Variants in PDE1C observed in about 807,000 individuals in gnomAD.
The protein encoded by PDE1C is phosphodiesterase 1C.
PDE1C carries 62 observed loss-of-function variants against 93.1 expected under a neutral mutation model. The observed-to-expected ratio is 0.67, with a 90% CI of 0.54 to 0.82. The LOEUF (loss-of-function observed/expected upper bound fraction) is 0.82, where lower values mean the gene tolerates loss of function less well. PDE1C is among the 40% of genes least tolerant of loss of function. PDE1C has a pLI of 0.00. For synonymous variants in PDE1C, 325 were observed against 310.1 expected (o/e 1.05, Z -0.50); for missense variants, 742 against 884.6 (o/e 0.84, Z 2.04).
At chr7:31,628,030 A>G in the PDE1C span, among the ~76,000 whole-genome samples, 1 of 152,210 alleles carries the variant, frequency 6.6e-6, no homozygotes, top group Non-Finnish European at 1.5e-5. Context: ...ATAAGAGCAG[A>G]AAGTCTTTGT....
chr7:31,990,573 G>C (rs866601041), intron 2 of PDE1C, among the ~76,000 whole-genome samples: 1 of 151,956 alleles, frequency 6.6e-6, no homozygotes, highest in Admixed American at 6.6e-5. Flanking sequence ...GCTGGGGTTC[G>C]ATTTAAAAAA....
chr7:32,310,459 G>T (rs1279784797), intron 1 of PDE1C, among the ~76,000 whole-genome samples: 1 of 152,110 alleles, frequency 6.6e-6, no homozygotes, highest in Non-Finnish European at 1.5e-5. Context: ...ATTTTTTTCA[G>T]CACTACACCA....
intron 2 of PDE1C, among the ~76,000 whole-genome samples, chr7:31,951,669 G>T (rs1434772680): frequency 3.3e-5 from 5 of 152,190 alleles, no homozygotes; most frequent in Non-Finnish European, 7.3e-5. Context: ...ATTCTCTAAT[G>T]CATCTTCTCC....
Position 31,861,441 on chromosome 7 carries a change from C to A in PDE1C, c.750+3501G>T, listed in dbSNP as rs191587259. On this transcript the variant is annotated intron_variant, in intron 7 of 17. Coordinates refer to ENST00000396191, the MANE Select transcript of PDE1C (RefSeq NM_001191057.4). ...AATCTACATGTTTATCCCTGATCTC[C>A]CCTGGAACTCTAGCACCCTTTTTCT... Among the ~76,000 whole-genome samples, 242 of 151,996 alleles carry A rather than the reference C, an allele frequency of 1.6e-3. 1 individual carries two copies. Among genetic ancestry groups the A allele is most frequent in the South Asian group, 2.9e-3 (14 of 4,806 alleles).
intron 3 of PDE1C, among the ~76,000 whole-genome samples, chr7:32,095,033 T>G (rs1030616159): frequency 6.6e-6 from 1 of 152,228 alleles, no homozygotes. Context: ...TCCACTAATT[T>G]ATGGTCCTTA....
At chr7:32,208,943 CA>C (rs1805811460) in intron 2 of PDE1C, among the ~76,000 whole-genome samples, 1 of 152,202 alleles carries the variant, frequency 6.6e-6, no homozygotes, top group South Asian at 2.1e-4. Flanking sequence ...TTCAAAGTGT[CA>C]CCAAACTGAG....
intron 1 of PDE1C, among the ~76,000 whole-genome samples, chr7:32,262,855 G>A (rs1451257378): frequency 6.6e-6 from 1 of 152,212 alleles, no homozygotes; most frequent in Non-Finnish European, 1.5e-5. Flanking sequence ...CCTAGGTGTA[G>A]GGGCTAAACC....
rs371228576 is a variant in PDE1C, at chr7:32,158,467, T to A, written c.308+11318A>T. On this transcript the variant is annotated intron_variant, in intron 3 of 18. Transcript: ENST00000396193. ...TGGGGATCTGCAGCTAGGATACAGT[T>A]GTAGGGCTGTTTAGTCAATGACCAT... Among the ~76,000 whole-genome samples, 50 of 152,334 alleles carry A rather than the reference T, an allele frequency of 3.3e-4. 1 individual carries two copies. The highest frequency in any genetic ancestry group is 1.1e-3 in the African/African-American group (45 of 41,584).
chr7:32,216,589 G>A (rs1806450691), intron 1 of PDE1C, among the ~76,000 whole-genome samples: 1 of 152,182 alleles, frequency 6.6e-6, no homozygotes, highest in Non-Finnish European at 1.5e-5. Context: ...CACATCCCTT[G>A]AACACTCTGA....
chr7:31,705,399 C>T, the PDE1C span, among the ~76,000 whole-genome samples: 7 of 152,302 alleles, frequency 4.6e-5, no homozygotes, highest in East Asian at 1.9e-4. Context: ...ACTCTATGTT[C>T]TCCTGCCATG....
chr7:31,864,960 G>C lies in PDE1C; in HGVS notation c.732C>G (p.Leu244=), dbSNP rs1302168049. Residue 244 remains leucine (L), a synonymous_variant, in exon 7 of 18, where the codon CTC becomes CTG. Transcript: ENST00000396191. ...ADVTQTVHYL[L]YKTGVANWLT... ...TACTTACCGCCACTCCTGTCTTATA[G>C]AGGAGGTAATGCACTGTCTGTGTAA... 3.1e-6 allele frequency: 5 copies of C among 1,613,860 alleles called. No individual in the cohort carries two copies. Among genetic ancestry groups the C allele is most frequent in the African/African-American group, 2.7e-5 (2 of 74,924 alleles).
At chr7:31,975,023 G>A (rs1347142953) in intron 2 of PDE1C, among the ~76,000 whole-genome samples, 1 of 152,124 alleles carries the variant, frequency 6.6e-6, no homozygotes, top group African/African-American at 2.4e-5. Flanking sequence ...CTCACTTCTT[G>A]TCTTTTTTTG....
intron 3 of PDE1C, among the ~76,000 whole-genome samples, chr7:32,150,564 A>G (rs897618723): frequency 2.0e-5 from 3 of 152,218 alleles, no homozygotes; most frequent in African/African-American, 7.2e-5. Flanking sequence ...CTGAGAGATT[A>G]AGCACAGCTC....
intron 7 of PDE1C, among the ~76,000 whole-genome samples, chr7:31,853,679 A>G (rs77900968): frequency 2.8e-3 from 1 of 354 alleles, no homozygotes; most frequent in East Asian, 0.25. Context: ...AAGGGAGATA[A>G]AAAGCAGGGT....
At chr7:32,350,577 TATATATATATATA>T (rs1341843774) in intron 1 of PDE1C, among the ~76,000 whole-genome samples, 32 of 718 alleles carry the variant, frequency 0.045, 1 homozygote, top group African/African-American at 0.052. Flanking sequence ...TATATATATA[TATATATATATATA>T]TTTTTTTTTT....
At chr7:32,185,129 A>C (rs965170807) in intron 2 of PDE1C, among the ~76,000 whole-genome samples, 2 of 151,300 alleles carry the variant, frequency 1.3e-5, no homozygotes, top group African/African-American at 4.9e-5. Context: ...AAAAAAGAAA[A>C]AAAAAAACAA....
chr7:31,899,558 A>G (rs10261677), intron 2 of PDE1C, among the ~76,000 whole-genome samples: 40,498 of 152,084 alleles, frequency 0.27, 5,497 homozygotes, highest in Admixed American at 0.35. Flanking sequence ...CAAGTGTTAT[A>G]TATTTTTAAA....
chr7:32,099,246 A>C (rs2128749383), intron 3 of PDE1C, among the ~76,000 whole-genome samples: 1 of 152,366 alleles, frequency 6.6e-6, no homozygotes, highest in African/African-American at 2.4e-5. Context: ...TTTCTAAAAA[A>C]GAAAGTTATA....
At chr7:31,746,026 A>ACTGAGAGAAGCCCT in the PDE1C span, among the ~76,000 whole-genome samples, 4 of 53,334 alleles carry the variant, frequency 7.5e-5, no homozygotes, top group East Asian at 1.8e-3. Context: ...CTTCTCAGTG[A>ACTGAGAGAAGCCCT]CTGAGAGAAG....
Sources: allele counts gnomAD v4.1 joint callset (sites outside exome capture counted in the v4.1 genomes callset), GRCh38; gene constraint gnomAD v4.1.1; transcripts MANE v1.5; gene names NCBI Gene and HGNC (gene_info 2026-07-23, HGNC 2026-07-21).